Variants in MYO6 observed in about 807,000 individuals in gnomAD.
MYO6 encodes myosin VI.
Under a neutral mutation model 178.7 loss-of-function variants are expected in MYO6, and 74 were observed. That is an observed-to-expected ratio of 0.41 (90% confidence interval 0.34 to 0.50). MYO6 has a LOEUF of 0.50. Ranked by LOEUF, MYO6 falls within the 20% of genes least tolerant of loss-of-function variation. The pLI is 0.09. For synonymous variants in MYO6, 477 were observed against 504.6 expected (o/e 0.95, Z 0.73); for missense variants, 1,330 against 1,547.4 (o/e 0.86, Z 2.36).
intron 27 of MYO6, among the ~76,000 whole-genome samples, chr6:75,891,633 AAAAAAAT>A (rs1265369551): frequency 2.0e-5 from 3 of 152,078 alleles, no homozygotes; most frequent in Non-Finnish European, 4.4e-5. Flanking sequence ...CTCCATCTCA[AAAAAAAT>A]AAAAAATAAA....
intron 20 of MYO6, among the ~76,000 whole-genome samples, chr6:75,873,883 C>T (rs1777353368): frequency 6.6e-6 from 1 of 152,200 alleles, no homozygotes. Flanking sequence ...ACCCCTCACC[C>T]TGCCATGTCT....
chr6:75,831,028 A>G (rs1480618923), intron 5 of MYO6, among the ~76,000 whole-genome samples: 1 of 152,182 alleles, frequency 6.6e-6, no homozygotes, highest in Non-Finnish European at 1.5e-5. Flanking sequence ...ATAAAATTAA[A>G]GGATTAAAAG....
At chr6:75,882,721 C>CAT (rs1262181754) in intron 23 of MYO6, among the ~76,000 whole-genome samples, 1 of 140,910 alleles carries the variant, frequency 7.1e-6, no homozygotes, top group African/African-American at 2.5e-5. Flanking sequence ...TAGGCAATAA[C>CAT]ATATATATAG....
intron 1 of MYO6, among the ~76,000 whole-genome samples, chr6:75,791,423 T>A (rs1436630287): frequency 6.6e-6 from 1 of 152,206 alleles, no homozygotes; most frequent in African/African-American, 2.4e-5. Flanking sequence ...TTTTAATGAT[T>A]TCTAACCAGT....
intron 12 of MYO6, 29 bp downstream of exon 12, chr6:75,855,312 A>C: frequency 6.2e-7 from 1 of 1,611,120 alleles, no homozygotes. Context: ...TGCACTGCAA[A>C]AATTTTGCCT....
At chr6:75,813,354 T>C (rs1770881256) in intron 1 of MYO6, among the ~76,000 whole-genome samples, 1 of 152,140 alleles carries the variant, frequency 6.6e-6, no homozygotes, top group African/African-American at 2.4e-5. Context: ...CTGCCGATGT[T>C]CACTCAAGGC....
At position 75,907,706 on chromosome 6, in the gene MYO6, G is replaced by T; in HGVS notation, c.3278G>T (p.Cys1093Phe). 6.2e-7 allele frequency: 1 copy of T among 1,603,722 alleles called. No individual in the cohort carries two copies. ...CTACGTGATACCATCAATACTTCTT[G>T]TGGTAAGTGTTTGGAGAAGATCAAA... ...AELRDTINTS[C>F]DIELLAACRE... Residue 1093 changes from cysteine to phenylalanine, a missense_variant and splice_region_variant, in exon 31 of 35, where the codon TGT becomes TTT. Coordinates refer to ENST00000369977, the MANE Select transcript of MYO6 (RefSeq NM_004999.4).
chr6:75,866,277 G>C (rs1023005134), intron 16 of MYO6, among the ~76,000 whole-genome samples: 26 of 126,972 alleles, frequency 2.0e-4, no homozygotes, highest in Admixed American at 1.5e-3. Flanking sequence ...CTCTGTCTCT[G>C]TGTGTGTGTG....
intron 9 of MYO6, among the ~76,000 whole-genome samples, chr6:75,844,272 A>G (rs1419760315): frequency 6.6e-6 from 1 of 152,146 alleles, no homozygotes; most frequent in Non-Finnish European, 1.5e-5. Flanking sequence ...TATATTTTGG[A>G]AGCATTTAGC....
chr6:75,803,221 C>T (rs1030424841), intron 1 of MYO6, among the ~76,000 whole-genome samples: 7 of 151,992 alleles, frequency 4.6e-5, no homozygotes, highest in Non-Finnish European at 7.4e-5. Context: ...GTATCAGTTC[C>T]AAATCACGTA....
At chr6:75,763,025 A>C (rs991587696) in intron 1 of MYO6, among the ~76,000 whole-genome samples, 1 of 146,554 alleles carries the variant, frequency 6.8e-6, no homozygotes, top group African/African-American at 2.5e-5. Context: ...TCTGACCTGT[A>C]ATTTTTTTTT....
At position 75,817,577 on chromosome 6, in the gene MYO6, A is replaced by G. The variant is rs1234427460; in HGVS notation, c.30A>G (p.Pro10=). 2 of 1,614,224 alleles carry G rather than the reference A, an allele frequency of 1.2e-6. No homozygotes were observed. The highest frequency in any genetic ancestry group is 3.3e-5 in the Admixed American group (2 of 60,010). MEDGKPVWA[P]HPTDGFQMGN... is the part of the protein sequence containing the mutation. The stretch of plus-strand genomic sequence containing the variant: ...AGGATGGAAAGCCCGTTTGGGCGCC[A>G]CACCCTACAGATGGATTTCAGATGG... Residue 10 remains proline (P), a synonymous_variant, in exon 2 of 35, where the codon CCA becomes CCG. Coordinates refer to ENST00000369977, the MANE Select transcript of MYO6 (RefSeq NM_004999.4).
chr6:75,904,102 T>G (rs545290732), intron 30 of MYO6, among the ~76,000 whole-genome samples: 4,931 of 152,292 alleles, frequency 0.032, 106 homozygotes, highest in Middle Eastern at 0.065. Flanking sequence ...GATCCACTGT[T>G]AGTCTGATGG....
At chr6:75,822,343 C>G (rs1771974536) in intron 2 of MYO6, among the ~76,000 whole-genome samples, 1 of 152,166 alleles carries the variant, frequency 6.6e-6, no homozygotes, top group Non-Finnish European at 1.5e-5. Flanking sequence ...GATGATCCAC[C>G]CGCCTCGGCC....
intron 29 of MYO6, among the ~76,000 whole-genome samples, chr6:75,895,665 G>A (rs755679796): frequency 2.6e-5 from 4 of 151,656 alleles, no homozygotes; most frequent in Admixed American, 2.0e-4. Context: ...CTACAGGCAC[G>A]CACCACCACA....
At position 75,830,420 on chromosome 6, in the gene MYO6, A is replaced by G. The variant is rs1476767010; in HGVS notation, c.266A>G (p.Tyr89Cys). Residue 89 changes from tyrosine (Y) to cysteine (C), a missense_variant, in exon 5 of 35, where the codon TAT becomes TGT. By Grantham distance (194) the Tyr-to-Cys change is radical (BLOSUM62 -2). Transcript: ENST00000369977. ...VRYSKDRIYT[Y>C]VANILIAVNP... ...GTTTATGCTTTTCGTATTTAGACAT[A>G]TGTCGCCAACATTCTGATTGCAGTG... 6.2e-7 allele frequency: 1 copy of G among 1,610,856 alleles called. No individual in the cohort carries two copies. Among genetic ancestry groups the G allele is most frequent in the Non-Finnish European group, 8.5e-7 (1 of 1,177,296 alleles).
chr6:75,892,556 A>G lies in MYO6; in HGVS notation c.2973A>G (p.Arg991=), dbSNP rs1778981240. The G allele has an allele frequency of 1.9e-6, 3 of 1,613,914 alleles. No individual in the cohort carries two copies. Among genetic ancestry groups the G allele is most frequent in the Non-Finnish European group, 2.5e-6 (3 of 1,180,008 alleles). The change falls in exon 28 of 35, where the codon CGA becomes CGG. Residue 991 remains arginine (R), a synonymous_variant. Transcript: ENST00000369977. ...IQAEVEAQLA[R]QKEEESQQQA... ...CTGAAGTGGAGGCACAGCTGGCCCG[A>G]CAGAAGGAGGAGGAATCCCAACAGC...
intron 28 of MYO6, among the ~76,000 whole-genome samples, chr6:75,894,080 CA>C (rs1036430272): frequency 1.3e-5 from 2 of 152,136 alleles, no homozygotes; most frequent in African/African-American, 4.8e-5. Context: ...TGGCAGAAGT[CA>C]ATTTCTAAGG....
intron 1 of MYO6, among the ~76,000 whole-genome samples, chr6:75,777,416 TTTTC>T (rs1766496472): frequency 6.6e-6 from 1 of 151,902 alleles, no homozygotes; most frequent in African/African-American, 2.4e-5. Flanking sequence ...CTTTCTCTTT[TTTTC>T]TTTTTCTTTT....
Sources: allele counts gnomAD v4.1 joint callset (sites outside exome capture counted in the v4.1 genomes callset), GRCh38; gene constraint gnomAD v4.1.1; transcripts MANE v1.5; gene names NCBI Gene and HGNC (gene_info 2026-07-23, HGNC 2026-07-21).